GSG1L: variants seen among roughly 807,000 people sequenced by gnomAD.
GSG1L encodes the protein GSG1 like, also known as germ cell-specific gene 1-like protein.
Under a neutral mutation model 42.1 loss-of-function variants are expected in GSG1L, and 24 were observed. That is an observed-to-expected ratio of 0.57 (90% CI 0.41 to 0.80). The LOEUF is 0.80. Ranked by LOEUF, GSG1L falls within the 30% of genes least tolerant of loss-of-function variation. GSG1L has a pLI of 0.00. For missense variants in GSG1L, 445 were observed against 472.2 expected, an observed-to-expected ratio of 0.94 and a Z score of 0.53; for synonymous variants, 215 against 203.5, an observed-to-expected ratio of 1.06 and a Z score of -0.48.
chr16:27,882,013 T>G (rs778307965), intron 3 of GSG1L, among the ~76,000 whole-genome samples: 4 of 152,158 alleles, frequency 2.6e-5, no homozygotes, highest in Non-Finnish European at 5.9e-5. Flanking sequence ...TCATCCCTGA[T>G]GTGATTTGGC....
intron 1 of GSG1L, among the ~76,000 whole-genome samples, chr16:27,988,980 G>C (rs1340003621): frequency 1.3e-5 from 2 of 150,696 alleles, no homozygotes; most frequent in Non-Finnish European, 3.0e-5. Flanking sequence ...TTGAACCCGG[G>C]AGGCGGATGT....
At chr16:27,850,930 C>T (rs990741606) in intron 3 of GSG1L, among the ~76,000 whole-genome samples, 78 of 151,834 alleles carry the variant, frequency 5.1e-4, no homozygotes, top group South Asian at 1.5e-3. Flanking sequence ...CATGAGCCAC[C>T]GGGAGATAGA....
intron 4 of GSG1L, among the ~76,000 whole-genome samples, chr16:27,830,739 T>G (rs766669941): frequency 3.9e-5 from 6 of 152,196 alleles, no homozygotes; most frequent in Non-Finnish European, 8.8e-5. Flanking sequence ...AATCAGATAC[T>G]CTCTCCTGAG....
intron 2 of GSG1L, among the ~76,000 whole-genome samples, chr16:27,947,483 AAGAAAGAAAGAAAG>A (rs1366162324): frequency 6.6e-6 from 1 of 151,428 alleles, no homozygotes; most frequent in South Asian, 2.1e-4. Context: ...GAAAGAAAGG[AAGAAAGAAAGAAAG>A]AGAAAGAAAG....
At chr16:27,994,258 A>G (rs1039577467) in intron 1 of GSG1L, among the ~76,000 whole-genome samples, 6 of 151,862 alleles carry the variant, frequency 4.0e-5, no homozygotes, top group Non-Finnish European at 8.8e-5. Context: ...CAAGCAGCTC[A>G]TGGAGGATGG....
At chr16:27,883,426 T>C (rs1262912912) in intron 3 of GSG1L, among the ~76,000 whole-genome samples, 2 of 152,148 alleles carry the variant, frequency 1.3e-5, no homozygotes, top group Non-Finnish European at 1.5e-5. Flanking sequence ...ACTGTGATGA[T>C]TGGATTTCCC....
intron 1 of GSG1L, among the ~76,000 whole-genome samples, chr16:27,977,559 CAA>C (rs34588077): frequency 0.24 from 10,338 of 43,710 alleles, 221 homozygotes; most frequent in East Asian, 0.39. Flanking sequence ...CACCCTGCCT[CAA>C]AAAAAAAAAA....
At position 27,851,118 on chromosome 16, in the gene GSG1L, G is replaced by A. The variant is rs1415815403; in HGVS notation, c.551-6057C>T. On this transcript the variant is annotated intron_variant, in intron 3 of 6. Transcript: ENST00000447459. ...CGAGGAGGTTCTAGAAAACAAGAGG[G>A]CTGGCTTTTGATGGGAATTGGGATG... Among the ~76,000 whole-genome samples the A allele has an allele frequency of 1.3e-5, 2 of 152,196 alleles. 1 individual carries two copies. Among genetic ancestry groups the A allele is most frequent in the East Asian group, 3.9e-4 (2 of 5,182 alleles).
At chr16:27,941,084 TG>T (rs1159136809) in intron 2 of GSG1L, among the ~76,000 whole-genome samples, 1 of 152,028 alleles carries the variant, frequency 6.6e-6, no homozygotes, top group Non-Finnish European at 1.5e-5. Context: ...TTCATGACAT[TG>T]GATTTGGCAA....
At chr16:28,050,591 G>T (rs896008029) in intron 1 of GSG1L, among the ~76,000 whole-genome samples, 3 of 152,204 alleles carry the variant, frequency 2.0e-5, no homozygotes, top group Non-Finnish European at 4.4e-5. Flanking sequence ...GGAACAACTC[G>T]GCCAGCAGGT....
intron 2 of GSG1L, among the ~76,000 whole-genome samples, chr16:27,956,865 C>T (rs911239232): frequency 2.6e-5 from 4 of 151,310 alleles, no homozygotes; most frequent in Middle Eastern, 3.2e-3. Flanking sequence ...TGTGATAGCT[C>T]GTTACATAAC....
intron 1 of GSG1L, among the ~76,000 whole-genome samples, chr16:28,014,163 A>C (rs1260258148): frequency 6.6e-6 from 1 of 152,216 alleles, no homozygotes; most frequent in Non-Finnish European, 1.5e-5. Context: ...TTGGAGGAGG[A>C]AGTGGCCATT....
At chr16:27,965,923 G>T (rs1399236125) in intron 1 of GSG1L, among the ~76,000 whole-genome samples, 1 of 152,010 alleles carries the variant, frequency 6.6e-6, no homozygotes, top group African/African-American at 2.4e-5. Context: ...CCTCGCTGTG[G>T]CCTGCAAGAC....
chr16:27,851,463 C>T (rs1361576467), intron 3 of GSG1L, among the ~76,000 whole-genome samples: 1 of 152,034 alleles, frequency 6.6e-6, no homozygotes, highest in African/African-American at 2.4e-5. Flanking sequence ...CCCAAAGTGC[C>T]GGGATCCAAG....
chr16:28,023,088 C>T (rs912900447), intron 1 of GSG1L, among the ~76,000 whole-genome samples: 8 of 152,206 alleles, frequency 5.3e-5, no homozygotes, highest in African/African-American at 1.9e-4. Flanking sequence ...TTCAGCCTCC[C>T]AAAATGCGGG....
At chr16:27,800,207 G>A (rs965550299) in intron 6 of GSG1L, among the ~76,000 whole-genome samples, 1 of 152,192 alleles carries the variant, frequency 6.6e-6, no homozygotes, top group Non-Finnish European at 1.5e-5. Context: ...TTTTAATAAA[G>A]GAAGCAACTC....
At chr16:28,038,748 G>C (rs2141182817) in intron 1 of GSG1L, among the ~76,000 whole-genome samples, 1 of 152,282 alleles carries the variant, frequency 6.6e-6, no homozygotes, top group Admixed American at 6.5e-5. Context: ...TTTTCATTAT[G>C]CCATGATTAA....
intron 2 of GSG1L, among the ~76,000 whole-genome samples, chr16:27,949,798 G>A (rs948548545): frequency 1.6e-4 from 24 of 152,144 alleles, no homozygotes; most frequent in Admixed American, 1.4e-3. Flanking sequence ...GGTGGTGGGC[G>A]CCTGTAGTCC....
chr16:27,859,824 C>T (rs900918933), intron 3 of GSG1L, among the ~76,000 whole-genome samples: 4 of 152,086 alleles, frequency 2.6e-5, no homozygotes, highest in African/African-American at 9.7e-5. Context: ...CACAGGTGTG[C>T]ACCACCATGC....
Sources: allele counts gnomAD v4.1 joint callset (sites outside exome capture counted in the v4.1 genomes callset), GRCh38; gene constraint gnomAD v4.1.1; transcripts MANE v1.5; gene names NCBI Gene and HGNC (gene_info 2026-07-23, HGNC 2026-07-21).